The following DAB1 variants were observed in gnomAD, a reference collection of about 807,000 sequenced individuals.
DAB1 encodes disabled homolog 1.
A neutral mutation model predicts 64.6 loss-of-function variants in DAB1; 15 were observed. The ratio of observed to expected loss-of-function variants is 0.23; its 90% CI spans 0.16 to 0.36. The LOEUF is 0.36. Among genes scored for constraint, DAB1 ranks in the 10% least tolerant of loss-of-function variants. The probability of loss-of-function intolerance (pLI) is 1.00; values close to 1 mark genes in which losing one functional copy is unlikely to be tolerated. For synonymous variants in DAB1, 235 were observed against 251.9 expected, an observed-to-expected ratio of 0.93 and a Z score of 0.64; for missense variants, 596 against 706.7, an observed-to-expected ratio of 0.84 and a Z score of 1.78.
At chr1:57,697,675 C>T (rs917960903) in intron 6 of DAB1, among the ~76,000 whole-genome samples, 5 of 152,100 alleles carry the variant, frequency 3.3e-5, no homozygotes, top group African/African-American at 1.2e-4. Flanking sequence ...TCAGTTTTCA[C>T]AGGCTCAACA....
intron 5 of DAB1, among the ~76,000 whole-genome samples, chr1:58,043,648 C>G (rs1007886426): frequency 6.6e-6 from 1 of 152,206 alleles, no homozygotes; most frequent in African/African-American, 2.4e-5. Flanking sequence ...TCTGGATTTT[C>G]TTTTCTCATC....
At chr1:57,207,820 T>C (rs1171866693) in intron 2 of DAB1, among the ~76,000 whole-genome samples, 1 of 152,196 alleles carries the variant, frequency 6.6e-6, no homozygotes, top group East Asian at 1.9e-4. Flanking sequence ...AGTCCTGGGA[T>C]GGGCTATGTA....
chr1:57,930,000 C>T (rs1364027375), intron 5 of DAB1, among the ~76,000 whole-genome samples: 1 of 152,126 alleles, frequency 6.6e-6, no homozygotes, highest in Non-Finnish European at 1.5e-5. Context: ...ACATTTAAAC[C>T]ATTACATGAA....
chr1:57,997,258 T>C (rs966557033), intron 5 of DAB1, among the ~76,000 whole-genome samples: 2 of 152,188 alleles, frequency 1.3e-5, no homozygotes, highest in African/African-American at 2.4e-5. Flanking sequence ...AGTGAGCACA[T>C]GTACAATTTA....
chr1:58,425,950 T>A (rs762695493), intron 3 of DAB1, among the ~76,000 whole-genome samples: 1 of 152,062 alleles, frequency 6.6e-6, no homozygotes, highest in Non-Finnish European at 1.5e-5. Context: ...AAGGTAGGGT[T>A]AGGACAGATC....
intron 7 of DAB1, among the ~76,000 whole-genome samples, chr1:57,551,958 C>T: frequency 6.6e-6 from 1 of 152,152 alleles, no homozygotes; most frequent in East Asian, 1.9e-4. Flanking sequence ...GAAAAAAATG[C>T]ATTCACACTT....
chr1:57,202,582 C>T (rs1385724335), intron 2 of DAB1, among the ~76,000 whole-genome samples: 1 of 152,166 alleles, frequency 6.6e-6, no homozygotes, highest in Non-Finnish European at 1.5e-5. Flanking sequence ...AAGATTTACT[C>T]ACTGAAATAC....
Position 57,033,279 on chromosome 1 carries a change from C to T in DAB1, c.724-7236G>A, listed in dbSNP as rs1459292649. ...ACATTTGAATAGGTACCTACTAGAG[C>T]AGAGCAGGGCAGGAAATCTGCCATT... On this transcript the variant is annotated intron_variant, in intron 9 of 14. Transcript: ENST00000371236. The T allele has an allele frequency of 1.3e-5, 15 of 1,184,940 alleles. No individual in the cohort carries two copies. In the East Asian group the frequency reaches 3.0e-4, roughly 24 times the overall value. The allele number at this position is 1,184,940 out of a possible 1,614,324, so 73.4% of individuals were successfully genotyped here.
chr1:58,387,102 G>C (rs1489941316), intron 3 of DAB1, among the ~76,000 whole-genome samples: 2 of 152,054 alleles, frequency 1.3e-5, no homozygotes, highest in East Asian at 3.9e-4. Flanking sequence ...AACAAAAAAA[G>C]TGTTTTGGAA....
chr1:57,456,016 G>A (rs1387162375), intron 7 of DAB1, among the ~76,000 whole-genome samples: 1 of 152,114 alleles, frequency 6.6e-6, no homozygotes, highest in Non-Finnish European at 1.5e-5. Flanking sequence ...AAGGCACTGT[G>A]TTTTATTCTG....
intron 1 of DAB1, among the ~76,000 whole-genome samples, chr1:57,854,328 T>A (rs1159432338): frequency 2.0e-5 from 3 of 152,160 alleles, no homozygotes; most frequent in Admixed American, 6.5e-5. Context: ...GAATGGGATG[T>A]CTTCAAGGTC....
chr1:57,350,981 G>A (rs893451671), intron 1 of DAB1, among the ~76,000 whole-genome samples: 1 of 152,156 alleles, frequency 6.6e-6, no homozygotes, highest in African/African-American at 2.4e-5. Context: ...TGAAACAGAA[G>A]AGAGAGACAC....
At chr1:58,139,943 G>A (rs923868102) in intron 5 of DAB1, among the ~76,000 whole-genome samples, 8 of 152,174 alleles carry the variant, frequency 5.3e-5, no homozygotes, top group Non-Finnish European at 1.2e-4. Flanking sequence ...TCTAATCCTT[G>A]TATAAGGGCT....
chr1:58,174,860 C>G (rs1444377675), intron 4 of DAB1, among the ~76,000 whole-genome samples: 1 of 151,984 alleles, frequency 6.6e-6, no homozygotes, highest in Non-Finnish European at 1.5e-5. Flanking sequence ...ATGCACCAAT[C>G]AGTGCTCTGT....
At chr1:58,148,501 C>G (rs929983187) in intron 5 of DAB1, among the ~76,000 whole-genome samples, 4 of 152,196 alleles carry the variant, frequency 2.6e-5, no homozygotes, top group Admixed American at 1.3e-4. Flanking sequence ...ACATTTTGAC[C>G]ACTAAGCTTC....
intron 7 of DAB1, among the ~76,000 whole-genome samples, chr1:57,488,266 G>A (rs1255509372): frequency 6.6e-6 from 1 of 152,020 alleles, no homozygotes; most frequent in Non-Finnish European, 1.5e-5. Context: ...AGCCGGCATG[G>A]TGGCAGGCAC....
At chr1:58,397,024 T>C (rs566429014) in intron 3 of DAB1, among the ~76,000 whole-genome samples, 4 of 148,084 alleles carry the variant, frequency 2.7e-5, no homozygotes, top group Non-Finnish European at 5.9e-5. Flanking sequence ...GAGATCGCAC[T>C]ACTGCACTCT....
chr1:57,057,805 T>TC (rs1557643862), intron 9 of DAB1, among the ~76,000 whole-genome samples: 1 of 151,922 alleles, frequency 6.6e-6, no homozygotes, highest in Non-Finnish European at 1.5e-5. Flanking sequence ...AGACGGGGTT[T>TC]CACTGTATTA....
Position 57,062,317 on chromosome 1 carries a change from G to A in DAB1, c.723+567C>T, listed in dbSNP as rs139230212. ...GGCTGAACTTTTGTATACCCCAAAG[G>A]CCCTGGCCAGCCTCTCCTACTGTCC... On this transcript the variant is annotated intron_variant, in intron 9 of 14. Transcript: ENST00000371236. Among the ~76,000 whole-genome samples, 4 of 152,162 alleles carry A rather than the reference G, an allele frequency of 2.6e-5. No individual in the cohort carries two copies. The East Asian group carries it at 7.7e-4, about 29-fold the overall frequency.
Sources: gnomAD v4.1 joint callset for allele counts (sites outside exome capture counted in the v4.1 genomes callset) on GRCh38, gnomAD v4.1.1 for gene constraint, MANE v1.5 for transcripts, NCBI Gene and HGNC (gene_info 2026-07-23, HGNC 2026-07-21) for gene names.